RORA: variants seen among roughly 807,000 people sequenced by gnomAD.
The protein encoded by RORA is RAR related orphan receptor A, also known as nuclear receptor ROR-alpha.
A neutral mutation model predicts 69.5 loss-of-function variants in RORA; 7 were observed. The observed-to-expected ratio is 0.10, with a 90% CI of 0.06 to 0.19. The LOEUF is 0.19. RORA is among the 10% of genes least tolerant of loss of function. The pLI is 1.00. For synonymous variants in RORA, 261 were observed against 240.8 expected, an observed-to-expected ratio of 1.08 and a Z score of -0.78; for missense variants, 457 against 663.0, an observed-to-expected ratio of 0.69 and a Z score of 3.41.
chr15:60,990,235 TTTTAA>T (rs1239532606), intron 1 of RORA, among the ~76,000 whole-genome samples: 10 of 152,186 alleles, frequency 6.6e-5, no homozygotes, highest in Non-Finnish European at 1.5e-4. Flanking sequence ...ATAAATGAAA[TTTTAA>T]TTTGACAATT....
intron 1 of RORA, among the ~76,000 whole-genome samples, chr15:60,715,103 T>C (rs2071202301): frequency 6.6e-6 from 1 of 152,176 alleles, no homozygotes. Context: ...TCTAGCTCTT[T>C]TTGTGAGAGA....
At chr15:61,098,296 A>T (rs148503946) in intron 1 of RORA, among the ~76,000 whole-genome samples, 1 of 92,156 alleles carries the variant, frequency 1.1e-5, no homozygotes, top group African/African-American at 4.3e-5. Flanking sequence ...TGCCTCCCTC[A>T]CTGTCTCCCT....
intron 3 of RORA, among the ~76,000 whole-genome samples, chr15:60,527,482 G>A (rs537184599): frequency 1.3e-5 from 2 of 152,292 alleles, no homozygotes; most frequent in South Asian, 2.1e-4. Flanking sequence ...CATGGGGCAC[G>A]ACCTGCCCCT....
At chr15:61,001,019 G>A (rs1316447704) in intron 1 of RORA, among the ~76,000 whole-genome samples, 1 of 152,186 alleles carries the variant, frequency 6.6e-6, no homozygotes, top group Non-Finnish European at 1.5e-5. Context: ...TCTTAACTGA[G>A]GTTAGTAAAA....
intron 1 of RORA, among the ~76,000 whole-genome samples, chr15:61,116,278 G>T (rs1194791043): frequency 6.6e-6 from 1 of 152,148 alleles, no homozygotes; most frequent in Non-Finnish European, 1.5e-5. Flanking sequence ...GATGACTCCT[G>T]AGCAAATTAT....
chr15:60,997,193 T>G (rs955428980), intron 1 of RORA, among the ~76,000 whole-genome samples: 2 of 152,184 alleles, frequency 1.3e-5, no homozygotes, highest in African/African-American at 4.8e-5. Flanking sequence ...ATAATTGGTT[T>G]GTTTGAATTA....
At chr15:61,029,532 G>T (rs1595892184) in intron 1 of RORA, among the ~76,000 whole-genome samples, 1 of 152,180 alleles carries the variant, frequency 6.6e-6, no homozygotes, top group African/African-American at 2.4e-5. Flanking sequence ...AGTACAGACG[G>T]GAGGGAGTTG....
chr15:60,709,203 C>T (rs1489383622), intron 1 of RORA, among the ~76,000 whole-genome samples: 2 of 152,170 alleles, frequency 1.3e-5, no homozygotes, highest in Non-Finnish European at 2.9e-5. Flanking sequence ...GAAGTGACTA[C>T]ATTTAAGTTT....
At chr15:60,683,197 G>A (rs1191116052) in intron 1 of RORA, among the ~76,000 whole-genome samples, 1 of 152,120 alleles carries the variant, frequency 6.6e-6, no homozygotes, top group Non-Finnish European at 1.5e-5. Flanking sequence ...TTTTTGTAGA[G>A]ATGGGGGTCT....
At chr15:60,641,888 T>C (rs896180201) in intron 2 of RORA, among the ~76,000 whole-genome samples, 4 of 152,224 alleles carry the variant, frequency 2.6e-5, no homozygotes, top group Non-Finnish European at 5.9e-5. Flanking sequence ...TAAGGACTTA[T>C]ATTTTGCATG....
intron 1 of RORA, among the ~76,000 whole-genome samples, chr15:61,085,472 C>T (rs550238473): frequency 2.5e-3 from 385 of 152,304 alleles, no homozygotes; most frequent in Middle Eastern, 0.01. Context: ...AGTCATCATC[C>T]GAAGACCTTG....
At chr15:61,100,379 C>T (rs1442430781) in intron 1 of RORA, among the ~76,000 whole-genome samples, 1 of 152,190 alleles carries the variant, frequency 6.6e-6, no homozygotes, top group Non-Finnish European at 1.5e-5. Context: ...TTTGGCCTCC[C>T]AAAGTACGAG....
intron 1 of RORA, among the ~76,000 whole-genome samples, chr15:61,200,575 C>G (rs2079886304): frequency 1.3e-5 from 2 of 152,198 alleles, no homozygotes; most frequent in African/African-American, 4.8e-5. Flanking sequence ...AAGGAGGGCT[C>G]TCCTAGTCTT....
intron 1 of RORA, chr15:61,176,605 T>C (rs1226597385): frequency 6.6e-6 from 1 of 152,180 alleles, no homozygotes; most frequent in East Asian, 1.9e-4. Flanking sequence ...TGAGCCACCA[T>C]GCCTGGCTAA....
chr15:60,633,576 A>G (rs2069780770), intron 2 of RORA, among the ~76,000 whole-genome samples: 1 of 152,160 alleles, frequency 6.6e-6, no homozygotes. Flanking sequence ...CAGGTAATTG[A>G]GCCTCCTGGT....
At chr15:61,023,780 T>C (rs1010914390) in intron 1 of RORA, among the ~76,000 whole-genome samples, 1 of 152,208 alleles carries the variant, frequency 6.6e-6, no homozygotes, top group Non-Finnish European at 1.5e-5. Context: ...CCTTTATTCA[T>C]TGTAATCTCA....
At chr15:60,679,896 C>CTTTTATTGAGGA (rs901596025) in intron 1 of RORA, among the ~76,000 whole-genome samples, 13 of 151,076 alleles carry the variant, frequency 8.6e-5, no homozygotes, top group African/African-American at 3.2e-4. Context: ...GACCCCGCAA[C>CTTTTATTGAGGA]TTTTATTGAG....
intron 1 of RORA, among the ~76,000 whole-genome samples, chr15:60,930,810 A>G (rs912970111): frequency 2.0e-5 from 3 of 152,166 alleles, no homozygotes; most frequent in Non-Finnish European, 2.9e-5. Context: ...GAGGTCCGTG[A>G]GCAGAGATTC....
chr15:61,007,185 A>G (rs1210833650), intron 1 of RORA, among the ~76,000 whole-genome samples: 2 of 152,170 alleles, frequency 1.3e-5, no homozygotes, highest in Non-Finnish European at 2.9e-5. Flanking sequence ...GGTTAAAAGT[A>G]AGCCTTCTAT....
Sources: allele counts gnomAD v4.1 joint callset (sites outside exome capture counted in the v4.1 genomes callset), GRCh38; gene constraint gnomAD v4.1.1; transcripts MANE v1.5; gene names NCBI Gene and HGNC (gene_info 2026-07-23, HGNC 2026-07-21).